The following PIEZO2 variants were observed in gnomAD, a reference collection of about 807,000 sequenced individuals.
The protein encoded by PIEZO2 is piezo type mechanosensitive ion channel component 2.
In PIEZO2, 172 loss-of-function variants were observed where a neutral mutation model predicts 337.3. That is an observed-to-expected ratio of 0.51 (90% CI 0.45 to 0.58). The LOEUF (loss-of-function observed/expected upper bound fraction) is 0.58, where lower values mean the gene tolerates loss of function less well. Ranked by LOEUF, PIEZO2 falls within the 20% of genes least tolerant of loss-of-function variation. PIEZO2 has a pLI of 0.00. For missense variants in PIEZO2, 3,028 were observed against 3,391.3 expected (o/e 0.89, Z 2.66); for synonymous variants, 1,251 against 1,228.5 (o/e 1.02, Z -0.38).
Position 10,813,740 on chromosome 18 carries a change from C to A in PIEZO2, c.918-6466G>T, listed in dbSNP as rs2040268718. On this transcript the variant is annotated intron_variant, in intron 7 of 55. Coordinates refer to ENST00000674853, the MANE Select transcript of PIEZO2 (RefSeq NM_001378183.1). This position sits in a 1 kb window ranked among gnomAD's most constrained non-coding sequence, Gnocchi z 4.2. ...TCAAGACCCTGTTTTCAATTCTTTTCTATATATAGCCATAAGTGAAATTGT... is the reference window on the plus strand; with the variant it reads ...TCAAGACCCTGTTTTCAATTCTTTTATATATATAGCCATAAGTGAAATTGT... 6.6e-6 allele frequency among the ~76,000 whole-genome samples: 1 copy of A among 152,050 alleles called. No individual in the cohort carries two copies. The highest frequency in any genetic ancestry group is 2.4e-5 in the African/African-American group (1 of 41,394).
chr18:10,934,309 C>A (rs1224269249), intron 3 of PIEZO2, among the ~76,000 whole-genome samples: 1 of 152,142 alleles, frequency 6.6e-6, no homozygotes, highest in Admixed American at 6.6e-5. Context: ...CTTCCACATC[C>A]AGGAGTGAGG....
intron 36 of PIEZO2, among the ~76,000 whole-genome samples, chr18:10,731,177 T>TTTTA (rs2036759747): frequency 5.7e-5 from 2 of 35,234 alleles, no homozygotes. Context: ...ACTTAAAAGA[T>TTTTA]TATATATATA....
chr18:10,988,920 G>A lies in PIEZO2; in HGVS notation c.161-9260C>T, dbSNP rs79635390. Among the ~76,000 whole-genome samples, 1 of 152,072 alleles carries A rather than the reference G, an allele frequency of 6.6e-6. No homozygotes were observed. The highest frequency in any genetic ancestry group is 2.4e-5 in the African/African-American group (1 of 41,394). ...AGAGAGTAGAATGGTGGTTATAAGGGGCTGGGGGTGGAGAGCAGGGAAATG... is the reference window on the plus strand; with the variant it reads ...AGAGAGTAGAATGGTGGTTATAAGGAGCTGGGGGTGGAGAGCAGGGAAATG... On this transcript the variant is annotated intron_variant, in intron 2 of 55. Transcript: ENST00000674853. The surrounding 1 kb of genome is among the most constrained non-coding windows in gnomAD (Gnocchi z 4.8).
intron 47 of PIEZO2, among the ~76,000 whole-genome samples, chr18:10,691,782 C>CACACACACACACACACACACAT: frequency 1.0e-5 from 1 of 96,644 alleles, no homozygotes. Flanking sequence ...CACACACACA[C>CACACACACACACACACACACAT]ATATATATAT....
At chr18:10,886,368 A>G (rs374835125) in intron 4 of PIEZO2, among the ~76,000 whole-genome samples, 2 of 7,584 alleles carry the variant, frequency 2.6e-4, no homozygotes, top group Non-Finnish European at 3.6e-4. Flanking sequence ...ACACATATAT[A>G]TGTGTGTGTG....
In PIEZO2 at chr18:10,673,556, G is replaced by A. The variant is rs550914933; in HGVS notation, c.8162-683C>T. ...ATTTCAGGAAGAGTGATGGGACACA[G>A]CTCAGCAAATCTCTGAGAACCATAA... is the stretch of plus-strand genomic sequence containing the variant. On this transcript the variant is annotated intron_variant, in intron 54 of 55. Coordinates refer to ENST00000674853, the MANE Select transcript of PIEZO2 (RefSeq NM_001378183.1). This position sits in a 1 kb window ranked among gnomAD's most constrained non-coding sequence, Gnocchi z 4.8. Among the ~76,000 whole-genome samples the A allele has an allele frequency of 6.6e-6, 1 of 152,200 alleles. No homozygotes were observed.
chr18:10,689,759 C>A lies in PIEZO2; in HGVS notation c.7393G>T (p.Asp2465Tyr). ...AAAGTTGTGTCCGTCCACACCCAGTCCATCACTGCCCTCAGCTCAGTCAAA... is the reference window on the plus strand; with the variant it reads ...AAAGTTGTGTCCGTCCACACCCAGTACATCACTGCCCTCAGCTCAGTCAAA... ...PFLTELRAVM[D>Y]WVWTDTTLSL... is the part of the protein sequence containing the mutation. Residue 2465 changes from aspartate to tyrosine, a missense_variant, in exon 49 of 56, where the codon GAC becomes TAC. Transcript: ENST00000674853. 1 of 1,614,062 alleles carries A rather than the reference C, an allele frequency of 6.2e-7. No individual in the cohort carries two copies. The highest frequency in any genetic ancestry group is 8.5e-7 in the Non-Finnish European group (1 of 1,179,968).
chr18:11,085,321 A>G (rs1419432961), intron 1 of PIEZO2, among the ~76,000 whole-genome samples: 1 of 151,966 alleles, frequency 6.6e-6, no homozygotes, highest in Non-Finnish European at 1.5e-5. Context: ...TGGACAACCC[A>G]TCTCTCACGC....
chr18:10,751,571 G>T (rs2037646130), intron 28 of PIEZO2, among the ~76,000 whole-genome samples: 1 of 146,144 alleles, frequency 6.8e-6, no homozygotes, highest in Admixed American at 6.8e-5. Context: ...CATAAACTTG[G>T]CTTTCCAAGA....
At chr18:10,906,964 A>G (rs965532338) in intron 4 of PIEZO2, among the ~76,000 whole-genome samples, 2 of 152,190 alleles carry the variant, frequency 1.3e-5, no homozygotes, top group Non-Finnish European at 2.9e-5. Flanking sequence ...CCCAGAGGGA[A>G]CATTTAAAAT....
At chr18:10,904,129 T>C (rs1261929896) in intron 4 of PIEZO2, among the ~76,000 whole-genome samples, 1 of 152,274 alleles carries the variant, frequency 6.6e-6, no homozygotes, top group East Asian at 1.9e-4. Flanking sequence ...ATGTACCTTA[T>C]GTTTACATAT....
chr18:10,798,102 T>C (rs2039675528), intron 11 of PIEZO2, among the ~76,000 whole-genome samples: 1 of 152,188 alleles, frequency 6.6e-6, no homozygotes. Flanking sequence ...ACAGTGAGCC[T>C]GGGAGCAGAT....
chr18:10,898,838 A>G (rs554469394), intron 4 of PIEZO2, among the ~76,000 whole-genome samples: 2 of 152,220 alleles, frequency 1.3e-5, no homozygotes, highest in African/African-American at 4.8e-5. Context: ...AGCGTGGTAT[A>G]GGAGCAATGT....
intron 3 of PIEZO2, among the ~76,000 whole-genome samples, chr18:10,972,188 A>G (rs2034269407): frequency 6.6e-6 from 1 of 151,816 alleles, no homozygotes; most frequent in Non-Finnish European, 1.5e-5. Context: ...AAAAAAAAAA[A>G]AAAGAGAGAG....
At chr18:10,971,008 C>A (rs772013202) in intron 3 of PIEZO2, among the ~76,000 whole-genome samples, 1 of 152,120 alleles carries the variant, frequency 6.6e-6, no homozygotes, top group African/African-American at 2.4e-5. Flanking sequence ...AGGACAGTTA[C>A]CAGAACAAGG....
Position 11,050,524 on chromosome 18 carries a change from T to TACACACAC in PIEZO2, c.160+15595_160+15602dup, listed in dbSNP as rs56107549. ...GATAAGGTGCTTTTGGTGTTTATTT[T>TACACACAC]ACACACACACACACACACACACACA... On this transcript the variant is annotated intron_variant, in intron 2 of 55. Coordinates refer to ENST00000674853, the MANE Select transcript of PIEZO2 (RefSeq NM_001378183.1). 4.7e-3 allele frequency among the ~76,000 whole-genome samples: 694 copies of TACACACAC among 149,072 alleles called. 3 individuals carry two copies. The highest frequency in any genetic ancestry group is 0.016 in the African/African-American group (658 of 40,584).
rs1318132206 is a variant in PIEZO2 at position 10,982,370 on chromosome 18, A to G, written c.161-2710T>C. 7.5e-6 allele frequency among the ~76,000 whole-genome samples: 1 copy of G among 133,824 alleles called. No homozygotes were observed. Among genetic ancestry groups the G allele is most frequent in the Non-Finnish European group, 1.6e-5 (1 of 64,474 alleles). The allele number at this position is 133,824 out of a possible 152,430, so 87.8% of individuals were successfully genotyped here. A position where few individuals can be genotyped will look rare whatever the true frequency, so the allele number is the denominator to read the frequency against. On this transcript the variant is annotated intron_variant, in intron 2 of 55. Coordinates refer to ENST00000674853, the MANE Select transcript of PIEZO2 (RefSeq NM_001378183.1). The surrounding 1 kb of genome is among the most constrained non-coding windows in gnomAD (Gnocchi z 4.1). Reference sequence around the variant, plus strand: ...TTAAGACCGTTCTTGACAAAATTGTAAAAAAAAAATAGAAAAACAAATAAT... The same window carrying G: ...TTAAGACCGTTCTTGACAAAATTGTGAAAAAAAAATAGAAAAACAAATAAT...
intron 4 of PIEZO2, among the ~76,000 whole-genome samples, chr18:10,881,216 GATAT>G (rs942595096): frequency 6.6e-6 from 1 of 151,966 alleles, no homozygotes; most frequent in Non-Finnish European, 1.5e-5. Flanking sequence ...ATTTTCAGGA[GATAT>G]ATAGATATGT....
rs74575372 is a variant in PIEZO2, at chr18:10,733,264, G to A, written c.4915-1743C>T. On this transcript the variant is annotated intron_variant, in intron 35 of 55. Coordinates refer to ENST00000674853, the MANE Select transcript of PIEZO2 (RefSeq NM_001378183.1). Reference sequence around the variant, plus strand: ...CAAACTGGGGAAAACGGAGAGAGGAGGGAGTCATAGGGTAATTCCTTATTT... The same window carrying A: ...CAAACTGGGGAAAACGGAGAGAGGAAGGAGTCATAGGGTAATTCCTTATTT... 1.4e-3 allele frequency among the ~76,000 whole-genome samples: 207 copies of A among 152,024 alleles called. 1 individual carries two copies. Among genetic ancestry groups the A allele is most frequent in the African/African-American group, 4.8e-3 (197 of 41,444 alleles).
Sources: gnomAD v4.1 joint callset for allele counts (sites outside exome capture counted in the v4.1 genomes callset) on GRCh38, gnomAD v4.1.1 for gene constraint, Gnocchi (gnomAD v3.1) non-coding constraint, MANE v1.5 for transcripts, NCBI Gene and HGNC (gene_info 2026-07-23, HGNC 2026-07-21) for gene names.